FLT1: variants seen among roughly 807,000 people sequenced by gnomAD.
The protein encoded by FLT1 is vascular endothelial growth factor receptor 1.
FLT1 carries 49 observed loss-of-function variants against 156.3 expected under a neutral mutation model. The observed-to-expected ratio is 0.31, with a 90% CI of 0.25 to 0.40. The LOEUF (loss-of-function observed/expected upper bound fraction) is 0.40, where lower values mean the gene tolerates loss of function less well. FLT1 is among the 10% of genes least tolerant of loss of function. FLT1 has a pLI of 1.00. For missense variants in FLT1, 1,322 were observed against 1,637.2 expected (o/e 0.81, Z 3.32); for synonymous variants, 594 against 583.8 (o/e 1.02, Z -0.25).
At position 28,391,881 on chromosome 13, in the gene FLT1, C is replaced by T. The variant is rs562475855; in HGVS notation, c.1661-1777G>A. Among the ~76,000 whole-genome samples, 5 of 151,888 alleles carry T rather than the reference C, an allele frequency of 3.3e-5. No individual in the cohort carries two copies. In the South Asian group the frequency reaches 6.2e-4, roughly 19 times the overall value. ...AAAGTCTGCCGGCCCTGAACTGACC[C>T]GCTCTCAAAACCTTCCCATTGCTTA... On this transcript the variant is annotated intron_variant, in intron 12 of 29. Coordinates refer to ENST00000282397, the MANE Select transcript of FLT1 (RefSeq NM_002019.4).
At position 28,389,920 on chromosome 13, in the gene FLT1, G is replaced by T; in HGVS notation, c.1845C>A (p.His615Gln). The stretch of plus-strand genomic sequence containing the variant: ...TGATGGTAAGATTAAGAGTGATGGA[G>T]TGCTCCTTAGTGATGGCCATTTTTT... Reference protein sequence around the residue: ...SKQKMAITKEHSITLNLTIMN... With the variant: ...SKQKMAITKEQSITLNLTIMN... The change falls in exon 13 of 30, where the codon CAC (histidine) becomes CAA (glutamine). Residue 615 changes from histidine (H) to glutamine (Q), a missense_variant. Around this residue, in one of 3 missense-constraint regions of FLT1, gnomAD observed 991 missense variants for 1,254.8 expected, o/e 0.79. Transcript: ENST00000282397. The T allele has an allele frequency of 6.2e-7, 1 of 1,614,182 alleles. No homozygotes were observed. Among genetic ancestry groups the T allele is most frequent in the Non-Finnish European group, 8.5e-7 (1 of 1,180,032 alleles).
At chr13:28,494,319 C>G (rs982688826) in intron 1 of FLT1, among the ~76,000 whole-genome samples, 2 of 152,222 alleles carry the variant, frequency 1.3e-5, no homozygotes, top group Non-Finnish European at 2.9e-5. Flanking sequence ...GGCCTCAGCC[C>G]AGCCCCGGGC....
At chr13:28,360,250 G>A (rs1873063328) in intron 14 of FLT1, among the ~76,000 whole-genome samples, 1 of 152,170 alleles carries the variant, frequency 6.6e-6, no homozygotes, top group African/African-American at 2.4e-5. Flanking sequence ...ATTATAAATT[G>A]TTACGGCCAT....
At chr13:28,370,525 A>G (rs1443835033) in intron 14 of FLT1, among the ~76,000 whole-genome samples, 3 of 152,230 alleles carry the variant, frequency 2.0e-5, no homozygotes, top group Non-Finnish European at 4.4e-5. Flanking sequence ...GGCTATAGTT[A>G]AAATGAATCC....
chr13:28,448,113 G>T (rs1200503680), intron 3 of FLT1, among the ~76,000 whole-genome samples: 1 of 152,220 alleles, frequency 6.6e-6, no homozygotes, highest in East Asian at 1.9e-4. Context: ...AATTACAAGT[G>T]TTGGCAAGGA....
chr13:28,459,125 G>A (rs1352523857), intron 3 of FLT1, among the ~76,000 whole-genome samples: 1 of 152,194 alleles, frequency 6.6e-6, no homozygotes, highest in East Asian at 1.9e-4. Context: ...GGATAATTCT[G>A]CAGATGCACG....
intron 1 of FLT1, among the ~76,000 whole-genome samples, chr13:28,473,729 A>AGAAAGAAAGAAGGAAG (rs1566050283): frequency 4.7e-5 from 4 of 84,254 alleles, no homozygotes; most frequent in Non-Finnish European, 6.7e-5. Flanking sequence ...AAAGAAAGAA[A>AGAAAGAAAGAAGGAAG]GAAGGAAGGA....
At position 28,403,600 on chromosome 13, in the gene FLT1, C is replaced by A. The variant is rs572971051; in HGVS notation, c.1551+2180G>T. Among the ~76,000 whole-genome samples, 21 of 152,254 alleles carry A rather than the reference C, an allele frequency of 1.4e-4. No homozygotes were observed. In the East Asian group the frequency reaches 3.9e-3, roughly 28 times the overall value. On this transcript the variant is annotated intron_variant, in intron 11 of 29. Transcript: ENST00000282397. Reference sequence around the variant, plus strand: ...AGCTTATAAATTCTTGTGTTAATATCCGGCAGTTAACAGTACATCCTCCTG... The same window carrying A: ...AGCTTATAAATTCTTGTGTTAATATACGGCAGTTAACAGTACATCCTCCTG...
intron 12 of FLT1, among the ~76,000 whole-genome samples, chr13:28,392,907 T>C (rs1343384371): frequency 6.6e-6 from 1 of 152,168 alleles, no homozygotes; most frequent in Non-Finnish European, 1.5e-5. Flanking sequence ...GAAATGACTA[T>C]TTCTCAGTCT....
intron 3 of FLT1, among the ~76,000 whole-genome samples, chr13:28,440,851 T>C (rs994621777): frequency 1.3e-5 from 2 of 152,290 alleles, no homozygotes; most frequent in East Asian, 3.9e-4. Flanking sequence ...TTATTATTAT[T>C]ATGACTCATT....
intron 27 of FLT1, among the ~76,000 whole-genome samples, chr13:28,309,876 C>CT (rs869233029): frequency 8.7e-6 from 1 of 114,534 alleles, no homozygotes; most frequent in Admixed American, 1.1e-4. Flanking sequence ...GCAGTATTTT[C>CT]TTTTTTCCTT....
At chr13:28,327,770 AAAAAAAGG>A (rs1871750359) in intron 19 of FLT1, among the ~76,000 whole-genome samples, 1 of 151,820 alleles carries the variant, frequency 6.6e-6, no homozygotes, top group Admixed American at 6.6e-5. Context: ...AAAAAAAAAA[AAAAAAAGG>A]AGGTGAGGGG....
intron 29 of FLT1, among the ~76,000 whole-genome samples, chr13:28,304,579 T>G (rs948868534): frequency 6.6e-6 from 1 of 152,158 alleles, no homozygotes; most frequent in Non-Finnish European, 1.5e-5. Flanking sequence ...ATTTAAAATG[T>G]GTAAGCCAAT....
intron 1 of FLT1, among the ~76,000 whole-genome samples, chr13:28,473,328 A>G (rs1472137411): frequency 2.6e-5 from 4 of 152,130 alleles, no homozygotes; most frequent in African/African-American, 9.7e-5. Flanking sequence ...TGTCCACAGC[A>G]GTATTACCTA....
At chr13:28,474,609 G>A (rs1238193852) in intron 1 of FLT1, among the ~76,000 whole-genome samples, 1 of 152,042 alleles carries the variant, frequency 6.6e-6, no homozygotes, top group East Asian at 1.9e-4. Context: ...GAAATGTTCA[G>A]AGCAGGCAAA....
chr13:28,461,991 T>G (rs1243536396), intron 3 of FLT1, among the ~76,000 whole-genome samples: 1 of 152,192 alleles, frequency 6.6e-6, no homozygotes, highest in Admixed American at 6.5e-5. Context: ...GAGATGAGTT[T>G]CTTTTACAGG....
In FLT1 at chr13:28,338,175, A is replaced by G. The variant is rs147467664; in HGVS notation, c.2488+993T>C. On this transcript the variant is annotated intron_variant, in intron 17 of 29. Coordinates refer to ENST00000282397, the MANE Select transcript of FLT1 (RefSeq NM_002019.4). Reference sequence around the variant, plus strand: ...TCATTTCAAGGCCCAAGAGAAAAACAAAAGCCATTTTCCTCTCTCTGCCCC... The same window carrying G: ...TCATTTCAAGGCCCAAGAGAAAAACGAAAGCCATTTTCCTCTCTCTGCCCC... Among the ~76,000 whole-genome samples, 1,106 of 152,298 alleles carry G rather than the reference A, an allele frequency of 7.3e-3. 8 individuals are homozygous for G. Among genetic ancestry groups the G allele is most frequent in the Non-Finnish European group, 0.011 (768 of 68,020 alleles).
rs1287269815 is a variant in FLT1, at chr13:28,303,244, G to T, written c.3940C>A (p.Leu1314Met). 1 of 1,613,850 alleles carries T rather than the reference G, an allele frequency of 6.2e-7. No homozygotes were observed. Among genetic ancestry groups the T allele is most frequent in the Non-Finnish European group, 8.5e-7 (1 of 1,180,008 alleles). Residue 1314 changes from leucine (L) to methionine (M), a missense_variant, in exon 30 of 30, where the codon CTG becomes ATG. By Grantham distance (15) the Leu-to-Met change is conservative. Coordinates refer to ENST00000282397, the MANE Select transcript of FLT1 (RefSeq NM_002019.4). Reference protein sequence around the residue: ...KRRFTYDHAELERKIACCSPP... With the variant: ...KRRFTYDHAEMERKIACCSPP... ...GAGCAGCACGCGATTTTCCTTTCCA[G>T]CTCAGCGTGGTCGTAGGTGAACCTG...
At chr13:28,397,718 G>C (rs1875138820) in intron 11 of FLT1, among the ~76,000 whole-genome samples, 1 of 150,362 alleles carries the variant, frequency 6.7e-6, no homozygotes, top group African/African-American at 2.5e-5. Flanking sequence ...AAATAATGTG[G>C]CATGCAGCAC....
Sources: allele counts gnomAD v4.1 joint callset (sites outside exome capture counted in the v4.1 genomes callset), GRCh38; gene constraint gnomAD v4.1.1; regional missense constraint gnomAD v4.1.1; transcripts MANE v1.5; gene names NCBI Gene and HGNC (gene_info 2026-07-23, HGNC 2026-07-21).